VAV2: variants seen among roughly 807,000 people sequenced by gnomAD.
The protein encoded by VAV2 is guanine nucleotide exchange factor VAV2.
Under a neutral mutation model 132.5 loss-of-function variants are expected in VAV2, and 67 were observed. The observed-to-expected ratio is 0.51, with a 90% CI of 0.42 to 0.62. The LOEUF is 0.62. VAV2 is among the 20% of genes least tolerant of loss of function. VAV2 has a pLI of 0.00. For synonymous variants in VAV2, 492 were observed against 443.5 expected (o/e 1.11, Z -1.37); for missense variants, 938 against 1,153.6 (o/e 0.81, Z 2.71).
chr9:133,915,178 T>C (rs963864334), intron 2 of VAV2, among the ~76,000 whole-genome samples: 2 of 152,136 alleles, frequency 1.3e-5, no homozygotes, highest in Non-Finnish European at 2.9e-5. Context: ...CTAGTCCTCA[T>C]TGGCTCTGGG....
intron 2 of VAV2, among the ~76,000 whole-genome samples, chr9:133,880,380 G>A (rs1163806127): frequency 1.3e-5 from 2 of 152,242 alleles, no homozygotes; most frequent in Non-Finnish European, 2.9e-5. Context: ...GATGATAAAG[G>A]CGGGCAGGGA....
chr9:133,898,868 C>T (rs1361161245), intron 2 of VAV2, among the ~76,000 whole-genome samples: 1 of 131,044 alleles, frequency 7.6e-6, no homozygotes, highest in Non-Finnish European at 1.5e-5. Flanking sequence ...GTCTCCCAGG[C>T]TGGAGTTCAG....
At chr9:133,818,619 C>T (rs971209227) in intron 4 of VAV2, among the ~76,000 whole-genome samples, 1 of 152,184 alleles carries the variant, frequency 6.6e-6, no homozygotes, top group African/African-American at 2.4e-5. Flanking sequence ...CTCCAGCTTG[C>T]AGGCAGCATA....
intron 1 of VAV2, among the ~76,000 whole-genome samples, chr9:133,960,237 A>G (rs1015568139): frequency 1.3e-5 from 2 of 152,170 alleles, no homozygotes; most frequent in African/African-American, 4.8e-5. Context: ...CTGCAGGTGC[A>G]CTGTGAGGTC....
At chr9:133,886,124 G>A (rs1390742954) in intron 2 of VAV2, among the ~76,000 whole-genome samples, 1 of 152,192 alleles carries the variant, frequency 6.6e-6, no homozygotes, top group Middle Eastern at 3.2e-3. Flanking sequence ...AGGGGCTGGA[G>A]CAGGCGGGGA....
intron 1 of VAV2, among the ~76,000 whole-genome samples, chr9:133,981,025 C>T (rs1180982350): frequency 6.6e-6 from 1 of 152,228 alleles, no homozygotes; most frequent in African/African-American, 2.4e-5. Context: ...AGGACTAGCA[C>T]AGCTTGCTGT....
In VAV2 at chr9:133,886,206, A is replaced by G. The variant is rs550438595; in HGVS notation, c.322-24774T>C. 1.2e-4 allele frequency among the ~76,000 whole-genome samples: 18 copies of G among 152,282 alleles called. No homozygotes were observed. The South Asian group carries it at 3.5e-3, about 30-fold the overall frequency. The stretch of plus-strand genomic sequence containing the variant: ...AACCCCAAAGCTTCCTGCAGGTGGG[A>G]AAGCTCCGCCACATGCAAGAAACTC... On this transcript the variant is annotated intron_variant, in intron 2 of 29. Transcript: ENST00000371850.
chr9:133,969,035 A>T lies in VAV2; in HGVS notation c.204+23040T>A, dbSNP rs1246091565. On this transcript the variant is annotated intron_variant, in intron 1 of 29. Transcript: ENST00000371850. The surrounding 1 kb of genome is among the most constrained non-coding windows in gnomAD (Gnocchi z 5.1). ...CAGGCAAAAACCACTTAAAAATAAG[A>T]GACAACTGTTTTGGGTTTTGAGGCA... is the stretch of plus-strand genomic sequence containing the variant. Among the ~76,000 whole-genome samples the T allele has an allele frequency of 6.6e-6, 1 of 152,142 alleles. No homozygotes were observed. Among genetic ancestry groups the T allele is most frequent in the African/African-American group, 2.4e-5 (1 of 41,422 alleles).
chr9:133,936,713 C>T (rs1050914049), intron 2 of VAV2, among the ~76,000 whole-genome samples: 3 of 152,180 alleles, frequency 2.0e-5, no homozygotes, highest in African/African-American at 7.2e-5. Flanking sequence ...CAGCTCAGCC[C>T]GGGGGTCTGC....
intron 1 of VAV2, among the ~76,000 whole-genome samples, chr9:133,951,737 G>A (rs7022675): frequency 0.043 from 6,503 of 152,224 alleles, 423 homozygotes; most frequent in African/African-American, 0.14. Flanking sequence ...TAGGCTGCTC[G>A]GCTCTGCTGC....
intron 2 of VAV2, among the ~76,000 whole-genome samples, chr9:133,917,251 C>G (rs769538070): frequency 1.3e-5 from 2 of 152,054 alleles, no homozygotes; most frequent in Non-Finnish European, 2.9e-5. Flanking sequence ...GATGTGAACC[C>G]ATTTTCAGGA....
At chr9:133,861,774 A>G (rs1464962129) in intron 2 of VAV2, among the ~76,000 whole-genome samples, 2 of 152,144 alleles carry the variant, frequency 1.3e-5, no homozygotes, top group Non-Finnish European at 2.9e-5. Context: ...GGGCTCACTC[A>G]TCCCATGCTG....
intron 2 of VAV2, among the ~76,000 whole-genome samples, chr9:133,902,794 A>C (rs1319102445): frequency 2.0e-5 from 3 of 152,204 alleles, no homozygotes; most frequent in Non-Finnish European, 4.4e-5. Context: ...GAAGTTTGCC[A>C]GGCGCAATGG....
intron 1 of VAV2, among the ~76,000 whole-genome samples, chr9:133,941,443 C>G (rs927704122): frequency 6.6e-6 from 1 of 151,998 alleles, no homozygotes; most frequent in Admixed American, 6.6e-5. Flanking sequence ...TACTGAAAAC[C>G]TAGATTGCTA....
intron 1 of VAV2, among the ~76,000 whole-genome samples, chr9:133,983,779 C>T (rs1203964037): frequency 1.3e-5 from 2 of 152,040 alleles, no homozygotes; most frequent in Non-Finnish European, 1.5e-5. Flanking sequence ...TCACTAACAG[C>T]CAGGGCTCCC....
chr9:133,904,235 C>T (rs1043448126), intron 2 of VAV2, among the ~76,000 whole-genome samples: 1 of 152,234 alleles, frequency 6.6e-6, no homozygotes, highest in Non-Finnish European at 1.5e-5. Flanking sequence ...CTCTGCCACA[C>T]ACAGCTTTGT....
At chr9:133,783,408 G>T in intron 19 of VAV2, 95 bp downstream of exon 19, 1 of 1,252,286 alleles carries the variant, frequency 8.0e-7, no homozygotes, top group Non-Finnish European at 1.2e-6. Flanking sequence ...CTGCCCCGTG[G>T]GAGATGGTGC....
At chr9:133,986,790 C>T (rs1351353847) in intron 1 of VAV2, among the ~76,000 whole-genome samples, 1 of 152,082 alleles carries the variant, frequency 6.6e-6, no homozygotes, top group Non-Finnish European at 1.5e-5. Context: ...TTGTGGACCT[C>T]GGCTACACCA....
Position 133,883,609 on chromosome 9 carries a change from C to T in VAV2, c.322-22177G>A, listed in dbSNP as rs1462479631. ...CAGCCACGGCAGGCAGGCGGCCCAG[C>T]AGCAGGCAGGTTTCAGCTCGGCCGG... is the stretch of plus-strand genomic sequence containing the variant. On this transcript the variant is annotated intron_variant, in intron 2 of 29. Transcript: ENST00000371850. This position sits in a 1 kb window ranked among gnomAD's most constrained non-coding sequence, Gnocchi z 4.2. Among the ~76,000 whole-genome samples the T allele has an allele frequency of 6.6e-6, 1 of 152,254 alleles. No individual in the cohort carries two copies. Among genetic ancestry groups the T allele is most frequent in the Non-Finnish European group, 1.5e-5 (1 of 68,048 alleles).
Sources: gnomAD v4.1 joint callset for allele counts (sites outside exome capture counted in the v4.1 genomes callset) on GRCh38, gnomAD v4.1.1 for gene constraint, Gnocchi (gnomAD v3.1) non-coding constraint, MANE v1.5 for transcripts, NCBI Gene and HGNC (gene_info 2026-07-23, HGNC 2026-07-21) for gene names.